DHX57: variants seen among roughly 807,000 people sequenced by gnomAD.
The protein encoded by DHX57 is DExH-box helicase 57, also known as putative ATP-dependent RNA helicase DHX57.
In DHX57, 105 loss-of-function variants were observed where a neutral mutation model predicts 156.2. The ratio of observed to expected loss-of-function variants is 0.67; its 90% confidence interval spans 0.57 to 0.79. The LOEUF (loss-of-function observed/expected upper bound fraction) is 0.79, where lower values mean the gene tolerates loss of function less well. Among genes scored for constraint, DHX57 ranks in the 30% least tolerant of loss-of-function variants. The pLI is 0.00. For synonymous variants in DHX57, 704 were observed against 595.6 expected (o/e 1.18, Z -2.65); for missense variants, 1,847 against 1,661.9 (o/e 1.11, Z -1.94).
At chr2:38,822,907 C>A in intron 17 of DHX57, 86 bp downstream of exon 17, 1 of 1,348,556 alleles carries the variant, frequency 7.4e-7, no homozygotes. Context: ...TTAGGGGGCT[C>A]ACATGCCCTT....
intron 21 of DHX57, chr2:38,811,638 G>A: frequency 6.0e-6 from 8 of 1,333,294 alleles, no homozygotes; most frequent in Non-Finnish European, 8.4e-6. Context: ...CAGAACCATG[G>A]AGCCTTTGCT....
At chr2:38,806,500 A>T (rs1274231379) in intron 22 of DHX57, 59 bp downstream of exon 22, 11 of 1,577,568 alleles carry the variant, frequency 7.0e-6, no homozygotes, top group Non-Finnish European at 6.9e-6. Flanking sequence ...GAATTTAAGG[A>T]ATTGCATTTC....
At chr2:38,867,391 A>G (rs1397296994) in intron 2 of DHX57, among the ~76,000 whole-genome samples, 2 of 152,254 alleles carry the variant, frequency 1.3e-5, no homozygotes, top group East Asian at 3.8e-4. Context: ...AATTACTAGA[A>G]TTCCCATAAT....
At chr2:38,824,806 C>A (rs972737300) in intron 16 of DHX57, among the ~76,000 whole-genome samples, 2 of 152,106 alleles carry the variant, frequency 1.3e-5, no homozygotes, top group African/African-American at 4.8e-5. Context: ...CGCCACTATA[C>A]CTGGCTAATT....
At chr2:38,811,787 G>C in intron 21 of DHX57, 1 of 438,476 alleles carries the variant, frequency 2.3e-6, no homozygotes, top group African/African-American at 2.0e-5. Context: ...TGAGTTCTTA[G>C]ATATACAGTC....
rs189354913 is a variant in DHX57 at position 38,845,792 on chromosome 2, C to T, written c.2219+1227G>A. Among the ~76,000 whole-genome samples the T allele has an allele frequency of 2.9e-3, 441 of 151,850 alleles. 2 individuals carry two copies. Among genetic ancestry groups the T allele is most frequent in the Non-Finnish European group, 4.0e-3 (269 of 67,978 alleles). On this transcript the variant is annotated intron_variant, in intron 11 of 23. Transcript: ENST00000457308. ...TACCTAGCACTTACAATTGTTTATA[C>T]AGATATCTTAACACTCAGGCTATAC... is the stretch of plus-strand genomic sequence containing the variant.
intron 12 of DHX57, among the ~76,000 whole-genome samples, chr2:38,838,457 TGA>T (rs1251457406): frequency 6.6e-6 from 1 of 152,168 alleles, no homozygotes; most frequent in African/African-American, 2.4e-5. Context: ...GCTTGAACAA[TGA>T]CCCAAAAAGC....
Position 38,856,481 on chromosome 2 carries a change from G to T in DHX57, c.1588-20C>A. On this transcript the variant is annotated intron_variant, in intron 6 of 23. Coordinates refer to ENST00000457308, the MANE Select transcript of DHX57 (RefSeq NM_198963.3). ...GGAAGCCTAATAAAATCAAAGATAA[G>T]ATATCAGTTGGGTTACTTTTTCTTT... 6.4e-7 allele frequency: 1 copy of T among 1,554,468 alleles called. No individual in the cohort carries two copies. The highest frequency in any genetic ancestry group is 8.7e-7 in the Non-Finnish European group (1 of 1,154,168).
intron 21 of DHX57, among the ~76,000 whole-genome samples, 195 bp from the exon 22 acceptor site, chr2:38,806,888 A>G (rs1489400182): frequency 6.8e-6 from 1 of 147,042 alleles, no homozygotes; most frequent in Non-Finnish European, 1.5e-5. Context: ...TTTTCCACCA[A>G]GAAGTATGAA....
chr2:38,805,996 G>C (rs1669916819), intron 22 of DHX57, among the ~76,000 whole-genome samples: 1 of 152,106 alleles, frequency 6.6e-6, no homozygotes, highest in South Asian at 2.1e-4. Flanking sequence ...AGGAGATAGA[G>C]GGGATGAATA....
intron 1 of DHX57, among the ~76,000 whole-genome samples, chr2:38,874,556 C>G (rs1665514378): frequency 6.6e-6 from 1 of 151,884 alleles, no homozygotes; most frequent in Non-Finnish European, 1.5e-5. Flanking sequence ...ACTACAGGCA[C>G]CCGCCACCAT....
chr2:38,843,926 T>A (rs1447934584), intron 11 of DHX57, among the ~76,000 whole-genome samples: 4 of 152,194 alleles, frequency 2.6e-5, no homozygotes. Flanking sequence ...GGTAAGGGAA[T>A]GGGAGCAAAG....
rs970220180 is a variant in DHX57, at chr2:38,816,099, G to A, written c.3472-444C>T. ...CCTGTCCTCTCAGTTCCTTACTCAGGCCTAGAGTGGTTCGTGCTCTCAGTG... is the reference window on the plus strand; with the variant it reads ...CCTGTCCTCTCAGTTCCTTACTCAGACCTAGAGTGGTTCGTGCTCTCAGTG... On this transcript the variant is annotated intron_variant, in intron 19 of 23. Coordinates refer to ENST00000457308, the MANE Select transcript of DHX57 (RefSeq NM_198963.3). 16 of 471,674 alleles carry A rather than the reference G, an allele frequency of 3.4e-5. No homozygotes were observed. The Admixed American group carries it at 3.8e-4, about 11-fold the overall frequency. The allele number at this position is 471,674 out of a possible 1,614,324, so 29.2% of individuals were successfully genotyped here. A position where few individuals can be genotyped will look rare whatever the true frequency, so the allele number is the denominator to read the frequency against.
intron 11 of DHX57, 39 bp downstream of exon 11, chr2:38,846,980 C>T (rs1455454942): frequency 1.3e-6 from 2 of 1,557,234 alleles, no homozygotes; most frequent in African/African-American, 1.4e-5. Flanking sequence ...ACCACCATGC[C>T]AGGTCCTTTC....
In DHX57 at chr2:38,826,656, G is replaced by A. The variant is rs766655359; in HGVS notation, c.2673C>T (p.Ser891=). 6.2e-7 allele frequency: 1 copy of A among 1,614,042 alleles called. No individual in the cohort carries two copies. The highest frequency in any genetic ancestry group is 2.2e-5 in the East Asian group (1 of 44,878). Residue 891 remains serine, a synonymous_variant, in exon 15 of 24, where the codon TCC becomes TCT. Transcript: ENST00000457308. Reference sequence around the variant, plus strand: ...CAAACACAGCCTGCTGCTCTTCACTGGATAAAGATGAATGAAGTGGGTGAA... The same window carrying A: ...CAAACACAGCCTGCTGCTCTTCACTAGATAAAGATGAATGAAGTGGGTGAA... ...CVIHPLHSSL[S]SEEQQAVFVK...
chr2:38,802,633 G>A, intron 23 of DHX57, 82 bp downstream of exon 23: 1 of 1,536,026 alleles, frequency 6.5e-7, no homozygotes, highest in Non-Finnish European at 8.9e-7. Flanking sequence ...GTCCCTAGAG[G>A]AATGCCCTTG....
chr2:38,819,242 A>T, intron 17 of DHX57, 98 bp from the exon 18 acceptor site: 3 of 1,064,614 alleles, frequency 2.8e-6, no homozygotes, highest in Non-Finnish European at 4.2e-6. Flanking sequence ...TGGTGCGATC[A>T]TAGCCCACTG....
intron 9 of DHX57, among the ~76,000 whole-genome samples, chr2:38,852,673 G>A (rs560843956): frequency 1.9e-4 from 29 of 149,304 alleles, no homozygotes; most frequent in African/African-American, 6.4e-4. Flanking sequence ...GCTCTTCACA[G>A]GTGCAATCAT....
At chr2:38,875,224 C>T (rs1448013931) in intron 1 of DHX57, among the ~76,000 whole-genome samples, 1 of 152,158 alleles carries the variant, frequency 6.6e-6, no homozygotes, top group Non-Finnish European at 1.5e-5. Context: ...CCATCTAGCC[C>T]GGGAAGACTC....
Sources: allele counts gnomAD v4.1 joint callset (sites outside exome capture counted in the v4.1 genomes callset), GRCh38; gene constraint gnomAD v4.1.1; transcripts MANE v1.5; gene names NCBI Gene and HGNC (gene_info 2026-07-23, HGNC 2026-07-21).